Variants in TMEM131 observed in about 807,000 individuals in gnomAD.
TMEM131 encodes transmembrane protein 131.
A neutral mutation model predicts 211.6 loss-of-function variants in TMEM131; 66 were observed. The observed-to-expected ratio is 0.31, with a 90% CI of 0.26 to 0.38. The LOEUF is 0.38. Ranked by LOEUF, TMEM131 falls within the 10% of genes least tolerant of loss-of-function variation. The pLI is 1.00. For missense variants in TMEM131, 2,036 were observed against 2,299.3 expected, an observed-to-expected ratio of 0.89 and a Z score of 2.34; for synonymous variants, 844 against 841.3, an observed-to-expected ratio of 1.00 and a Z score of -0.06.
chr2:97,990,346 T>C (rs1252576636), intron 1 of TMEM131, among the ~76,000 whole-genome samples: 1 of 152,078 alleles, frequency 6.6e-6, no homozygotes, highest in Non-Finnish European at 1.5e-5. Flanking sequence ...TTTACTTGAA[T>C]ACTAATACAT....
At chr2:97,962,321 G>A (rs552611136) in intron 1 of TMEM131, among the ~76,000 whole-genome samples, 36 of 152,300 alleles carry the variant, frequency 2.4e-4, no homozygotes, top group African/African-American at 8.4e-4. Context: ...GGCCAACAGG[G>A]TGAAACTCCA....
At chr2:97,790,705 T>C (rs17022373) in intron 31 of TMEM131, among the ~76,000 whole-genome samples, 7,603 of 152,276 alleles carry the variant, frequency 0.05, 373 homozygotes, top group African/African-American at 0.13. Flanking sequence ...GGGAAAACGC[T>C]ATGTAACTTG....
intron 1 of TMEM131, among the ~76,000 whole-genome samples, chr2:97,961,479 A>G (rs760830205): frequency 1.3e-5 from 2 of 152,228 alleles, no homozygotes; most frequent in East Asian, 3.8e-4. Context: ...TGTTATATCA[A>G]TTCTCACCAG....
chr2:97,879,263 A>C (rs1674823508), intron 4 of TMEM131, among the ~76,000 whole-genome samples: 1 of 152,162 alleles, frequency 6.6e-6, no homozygotes, highest in South Asian at 2.1e-4. Context: ...AAGCCAATAC[A>C]TAGACAGGCA....
intron 1 of TMEM131, among the ~76,000 whole-genome samples, chr2:97,983,780 C>T (rs1251085782): frequency 6.6e-6 from 1 of 152,174 alleles, no homozygotes; most frequent in African/African-American, 2.4e-5. Context: ...TTCGTCCCTT[C>T]GTTCAGTCTT....
chr2:97,838,354 T>G (rs1056181737), intron 7 of TMEM131, among the ~76,000 whole-genome samples: 20 of 151,848 alleles, frequency 1.3e-4, no homozygotes, highest in African/African-American at 4.6e-4. Flanking sequence ...TTCACTTGTT[T>G]CATCACAAGA....
At chr2:97,987,848 G>C (rs1281044394) in intron 1 of TMEM131, among the ~76,000 whole-genome samples, 1 of 152,136 alleles carries the variant, frequency 6.6e-6, no homozygotes, top group African/African-American at 2.4e-5. Flanking sequence ...GACATCCCAA[G>C]TTTATGGGTT....
intron 5 of TMEM131, among the ~76,000 whole-genome samples, chr2:97,844,829 T>C (rs926902092): frequency 4.6e-5 from 7 of 152,130 alleles, no homozygotes; most frequent in Admixed American, 2.6e-4. Flanking sequence ...CACAAAACAA[T>C]AGGGCTACTC....
intron 3 of TMEM131, among the ~76,000 whole-genome samples, chr2:97,896,211 T>G (rs182726089): frequency 6.6e-6 from 1 of 152,348 alleles, no homozygotes; most frequent in African/African-American, 2.4e-5. Flanking sequence ...CGAATTTGAT[T>G]GCACTGTGAT....
chr2:97,910,613 C>A (rs1203287195), intron 2 of TMEM131, among the ~76,000 whole-genome samples: 1 of 152,200 alleles, frequency 6.6e-6, no homozygotes, highest in Admixed American at 6.5e-5. Context: ...TTCTCCACAT[C>A]CTCCCCAGCA....
At chr2:97,988,896 C>G (rs1680145031) in intron 1 of TMEM131, among the ~76,000 whole-genome samples, 1 of 152,192 alleles carries the variant, frequency 6.6e-6, no homozygotes. Context: ...ATCCAGAAAT[C>G]TCTCTTCTGG....
chr2:97,899,327 C>CAGGA (rs1190806238), intron 3 of TMEM131, among the ~76,000 whole-genome samples: 2 of 152,058 alleles, frequency 1.3e-5, no homozygotes, highest in Non-Finnish European at 2.9e-5. Flanking sequence ...TACTGATGAA[C>CAGGA]AGGAGAAGAC....
In TMEM131 at chr2:97,812,638, C is replaced by T. The variant is rs746376849; in HGVS notation, c.1728+1G>A. ...GATTTAGAATAAAAACAGGTTTTTACCTCAATTGGATTGCTGTTTATAATT... is the reference window on the plus strand; with the variant it reads ...GATTTAGAATAAAAACAGGTTTTTATCTCAATTGGATTGCTGTTTATAATT... On this transcript the variant is annotated splice_donor_variant, in intron 16 of 40. Coordinates refer to ENST00000186436, the MANE Select transcript of TMEM131 (RefSeq NM_015348.2). LOFTEE classifies it high-confidence loss of function. 38 of 1,586,422 alleles carry T rather than the reference C, an allele frequency of 2.4e-5. No individual in the cohort carries two copies. The highest frequency in any genetic ancestry group is 3.3e-5 in the Non-Finnish European group (38 of 1,168,258).
rs1678730901 is a variant in TMEM131, at chr2:97,759,926, G to C, written c.5109-177C>G. ...GCTGCTTACCACAAGGGTTGAGTCGGAGGGAGCCCCAGAGCTCCGGATGCC... is the reference window on the plus strand; with the variant it reads ...GCTGCTTACCACAAGGGTTGAGTCGCAGGGAGCCCCAGAGCTCCGGATGCC... On this transcript the variant is annotated intron_variant, in intron 38 of 40. Transcript: ENST00000186436. 1.0e-5 allele frequency: 6 copies of C among 588,730 alleles called. No homozygotes were observed. In the East Asian group the frequency reaches 1.7e-4, roughly 17 times the overall value. The allele number at this position is 588,730 out of a possible 1,614,324, so 36.5% of individuals were successfully genotyped here. A position where few individuals can be genotyped will look rare whatever the true frequency, so the allele number is the denominator to read the frequency against.
chr2:97,941,529 G>C (rs568958140), intron 1 of TMEM131, among the ~76,000 whole-genome samples: 1 of 152,324 alleles, frequency 6.6e-6, no homozygotes, highest in African/African-American at 2.4e-5. Context: ...CCATCAGAGT[G>C]AACAGGCAAC....
rs756042505 is a variant in TMEM131 at position 97,793,563 on chromosome 2, TA to T, written c.3387-11del. The T allele has an allele frequency of 2.9e-5, 46 of 1,580,600 alleles. No individual in the cohort carries two copies. The highest frequency in any genetic ancestry group is 1.1e-4 in the Admixed American group (6 of 52,702). The stretch of plus-strand genomic sequence containing the variant: ...CAAAAGAAACAGTGCACTGCAGGGG[TA>T]AAAAAAATTGGAAAATCAGGATTCA... On this transcript the variant is annotated splice_polypyrimidine_tract_variant and intron_variant, in intron 29 of 40. Transcript: ENST00000186436.
chr2:97,816,842 T>C (rs990563799), intron 12 of TMEM131, among the ~76,000 whole-genome samples: 1 of 152,186 alleles, frequency 6.6e-6, no homozygotes, highest in African/African-American at 2.4e-5. Context: ...GCTTGATAAA[T>C]GAACACTGCA....
intron 2 of TMEM131, 55 bp downstream of exon 2, chr2:97,927,371 T>TA: frequency 7.6e-7 from 1 of 1,322,558 alleles, no homozygotes; most frequent in Non-Finnish European, 1.0e-6. Context: ...AGAAAAATAA[T>TA]AACCAGATAT....
At chr2:97,908,769 C>T (rs1239356898) in intron 2 of TMEM131, 71 bp from the exon 3 acceptor site, 2 of 1,255,006 alleles carry the variant, frequency 1.6e-6, no homozygotes, top group Non-Finnish European at 2.3e-6. Flanking sequence ...ATGGAATATC[C>T]AAAATATTCT....
Sources: gnomAD v4.1 joint callset for allele counts (sites outside exome capture counted in the v4.1 genomes callset) on GRCh38, gnomAD v4.1.1 for gene constraint, MANE v1.5 for transcripts, NCBI Gene and HGNC (gene_info 2026-07-23, HGNC 2026-07-21) for gene names.